The following FASTKD1 variants were observed in gnomAD, a reference collection of about 807,000 sequenced individuals.
FASTKD1 encodes FAST kinase domain-containing protein 1, mitochondrial.
In FASTKD1, 94 loss-of-function variants were observed where a neutral mutation model predicts 90.9. The observed-to-expected ratio is 1.03, with a 90% CI of 0.88 to 1.23. The LOEUF (loss-of-function observed/expected upper bound fraction) is 1.23, where lower values mean the gene tolerates loss of function less well. FASTKD1 is among the 50% of genes most tolerant of loss of function. The pLI is 0.00. For missense variants in FASTKD1, 945 were observed against 993.5 expected, an observed-to-expected ratio of 0.95 and a Z score of 0.66; for synonymous variants, 319 against 345.8, an observed-to-expected ratio of 0.92 and a Z score of 0.86.
At chr2:169,557,408 C>T in intron 5 of FASTKD1, 111 bp from the exon 6 acceptor site, 2 of 562,180 alleles carry the variant, frequency 3.6e-6, no homozygotes, top group Non-Finnish European at 6.2e-6. Flanking sequence ...TAAACAAAAA[C>T]TGAATCCAAT....
chr2:169,544,214 T>C (rs1264436836), intron 9 of FASTKD1, among the ~76,000 whole-genome samples: 1 of 152,286 alleles, frequency 6.6e-6, no homozygotes, highest in South Asian at 2.1e-4. Context: ...GGTGAGTATA[T>C]ATGTGTTCTT....
intron 12 of FASTKD1, among the ~76,000 whole-genome samples, chr2:169,535,964 C>CTT (rs377256158): frequency 1.3e-4 from 18 of 143,522 alleles, no homozygotes; most frequent in Admixed American, 1.0e-3. Flanking sequence ...ACTAAACATC[C>CTT]TTTTTTTTTT....
Position 169,538,103 on chromosome 2 carries a change from G to A in FASTKD1, c.1984C>T (p.Leu662Phe). 1 of 1,608,842 alleles carries A rather than the reference G, an allele frequency of 6.2e-7. No individual in the cohort carries two copies. The highest frequency in any genetic ancestry group is 8.5e-7 in the Non-Finnish European group (1 of 1,178,032). The stretch of plus-strand genomic sequence containing the variant: ...CAGACTGATCTATTTAACTCCATAA[G>A]ATGAAACTGGACTCTTGCACTTCGA... The part of the protein sequence containing the change: ...PSRSARVQFH[L>F]MELNRSVCLE... Residue 662 changes from leucine to phenylalanine, a missense_variant, in exon 11 of 15, where the codon CTT (leucine) becomes TTT (phenylalanine). Physicochemically the swap from Leu to Phe is conservative, Grantham distance 22 (BLOSUM62 0). Coordinates refer to ENST00000453153, the MANE Select transcript of FASTKD1 (RefSeq NM_024622.6).
chr2:169,543,331 C>T (rs563594099), intron 9 of FASTKD1, among the ~76,000 whole-genome samples: 2 of 152,104 alleles, frequency 1.3e-5, no homozygotes, highest in East Asian at 1.9e-4. Flanking sequence ...GGCGTAGTGG[C>T]GCATGCCTGT....
At chr2:169,547,995 CA>C (rs759460041) in intron 7 of FASTKD1, among the ~76,000 whole-genome samples, 66 of 77,594 alleles carry the variant, frequency 8.5e-4, no homozygotes, top group African/African-American at 1.8e-3. Context: ...CCCTCCGTCT[CA>C]AAAAAAAAAA....
chr2:169,546,547 CAG>C lies in FASTKD1; in HGVS notation c.1370_1371del (p.Ser457CysfsTer8). On this transcript the variant is annotated frameshift_variant, in exon 8 of 15. Transcript: ENST00000453153. LOFTEE classifies it high-confidence loss of function. ...DLNNLSSFATSVLRWIQHDHM... is the reference protein window; with the variant it reads ...DLNNLSSFATXVLRWIQHDHM... ...TGATCATGCTGAATCCATCTTAAAA[CAG>C]ATGTGGCAAAACTACTCAGGTTATT... The C allele has an allele frequency of 6.2e-7, 1 of 1,614,152 alleles. No individual in the cohort carries two copies. The highest frequency in any genetic ancestry group is 8.5e-7 in the Non-Finnish European group (1 of 1,180,034).
intron 6 of FASTKD1, 123 bp downstream of exon 6, chr2:169,557,064 G>T: frequency 1.5e-6 from 1 of 679,864 alleles, no homozygotes; most frequent in Non-Finnish European, 2.6e-6. Flanking sequence ...AGTGGCTTAA[G>T]CATTAATTCC....
At chr2:169,561,373 C>G (rs907696014) in intron 4 of FASTKD1, among the ~76,000 whole-genome samples, 2 of 151,628 alleles carry the variant, frequency 1.3e-5, no homozygotes, top group African/African-American at 4.8e-5. Context: ...GTGCTAATCA[C>G]TTTGTAAATA....
chr2:169,547,712 T>C (rs1302691691), intron 7 of FASTKD1, among the ~76,000 whole-genome samples: 1 of 151,440 alleles, frequency 6.6e-6, no homozygotes, highest in Non-Finnish European at 1.5e-5. Context: ...ACGCTGTCTC[T>C]ACTAAAAACA....
intron 12 of FASTKD1, 82 bp downstream of exon 12, chr2:169,537,145 A>T (rs1208158609): frequency 8.9e-6 from 8 of 900,264 alleles, no homozygotes; most frequent in East Asian, 5.0e-5. Flanking sequence ...AAAAAACTTT[A>T]AAAAATTCCA....
chr2:169,532,403 A>C (rs1684528409), intron 12 of FASTKD1, among the ~76,000 whole-genome samples: 1 of 104,046 alleles, frequency 9.6e-6, no homozygotes, highest in Non-Finnish European at 2.0e-5. Context: ...AGAGCCAGAC[A>C]AAAAAAAAAA....
intron 8 of FASTKD1, among the ~76,000 whole-genome samples, chr2:169,545,789 A>G (rs1685164201): frequency 1.3e-5 from 2 of 152,254 alleles, no homozygotes. Context: ...CTGTCCTAAC[A>G]TGAGTATCCT....
Position 169,572,109 on chromosome 2 carries a change from G to C in FASTKD1, c.-80C>G. ...GCAATAAGCAGGGATACAAATAACA[G>C]TTTTTCCTTCATGTATTTTGCTTCC... On this transcript the variant is annotated 5_prime_UTR_variant, in exon 2 of 15. Coordinates refer to ENST00000453153, the MANE Select transcript of FASTKD1 (RefSeq NM_024622.6). 1 of 1,486,838 alleles carries C rather than the reference G, an allele frequency of 6.7e-7. No individual in the cohort carries two copies. Among genetic ancestry groups the C allele is most frequent in the Non-Finnish European group, 8.9e-7 (1 of 1,120,196 alleles). The allele number at this position is 1,486,838 out of a possible 1,614,324, so 92.1% of individuals were successfully genotyped here. A position where few individuals can be genotyped will look rare whatever the true frequency, so the allele number is the denominator to read the frequency against.
At chr2:169,533,068 A>G (rs1425742109) in intron 12 of FASTKD1, among the ~76,000 whole-genome samples, 1 of 152,068 alleles carries the variant, frequency 6.6e-6, no homozygotes, top group African/African-American at 2.4e-5. Flanking sequence ...ACTACCTTCA[A>G]TCCTTGATCA....
At chr2:169,554,233 G>A (rs1175541158) in intron 7 of FASTKD1, among the ~76,000 whole-genome samples, 5 of 118,284 alleles carry the variant, frequency 4.2e-5, no homozygotes, top group African/African-American at 6.5e-5. Flanking sequence ...AGCTATGATT[G>A]CACCACTGCA....
rs1203044055 is a variant in FASTKD1 at position 169,557,373 on chromosome 2, T to C, written c.972-76A>G. 4.3e-6 allele frequency: 3 copies of C among 690,792 alleles called. No homozygotes were observed. The African/African-American group carries it at 7.2e-5, about 17-fold the overall frequency. 42.8% of individuals were successfully genotyped at this position (690,792 alleles called of 1,614,324 possible). On this transcript the variant is annotated intron_variant, in intron 5 of 14. Transcript: ENST00000453153. ...GCAATTTTTTTTAAATAACAGTTCTTGGGTAACAAATAGGAAAAAAAATAT... is the reference window on the plus strand; with the variant it reads ...GCAATTTTTTTTAAATAACAGTTCTCGGGTAACAAATAGGAAAAAAAATAT...
chr2:169,573,175 A>G lies in FASTKD1; in HGVS notation c.-143+494T>C, dbSNP rs537354191. The stretch of plus-strand genomic sequence containing the variant: ...AAATTCATGTCTCAGACCCCTCTCT[A>G]CGGCTATGCCAAACAGTCTGTTCAC... On this transcript the variant is annotated intron_variant, in intron 1 of 14. Coordinates refer to ENST00000453153, the MANE Select transcript of FASTKD1 (RefSeq NM_024622.6). 7 of 152,102 alleles carry G rather than the reference A, an allele frequency of 4.6e-5. No individual in the cohort carries two copies. The South Asian group carries it at 8.4e-4, about 18-fold the overall frequency. 9.4% of individuals were successfully genotyped at this position (152,102 alleles called of 1,614,324 possible).
intron 2 of FASTKD1, 141 bp downstream of exon 2, chr2:169,571,512 C>T (rs911269664): frequency 1.3e-5 from 7 of 543,736 alleles, no homozygotes; most frequent in Non-Finnish European, 2.2e-5. Context: ...TGCAGTGAGC[C>T]GAGATCATGC....
At chr2:169,530,799 A>G in intron 13 of FASTKD1, 98 bp from the exon 14 acceptor site, 2 of 690,202 alleles carry the variant, frequency 2.9e-6, no homozygotes, top group East Asian at 5.4e-5. Flanking sequence ...ATAAACTAAC[A>G]AAAGCCAATG....
Sources: allele counts gnomAD v4.1 joint callset (sites outside exome capture counted in the v4.1 genomes callset), GRCh38; gene constraint gnomAD v4.1.1; transcripts MANE v1.5; gene names NCBI Gene and HGNC (gene_info 2026-07-23, HGNC 2026-07-21).